The following VPS13A variants were observed in gnomAD, a reference collection of about 807,000 sequenced individuals.
VPS13A encodes the protein intermembrane lipid transfer protein VPS13A.
In VPS13A, 264 loss-of-function variants were observed where a neutral mutation model predicts 390.9. That is an observed-to-expected ratio of 0.68 (90% confidence interval 0.61 to 0.75). VPS13A has a LOEUF of 0.75. VPS13A is among the 30% of genes least tolerant of loss of function. The pLI is 0.00. For missense variants in VPS13A, 3,409 were observed against 3,733.9 expected, an observed-to-expected ratio of 0.91 and a Z score of 2.27; for synonymous variants, 1,231 against 1,227.1, an observed-to-expected ratio of 1.00 and a Z score of -0.07.
chr9:77,249,134 TA>T (rs1456369729), intron 20 of VPS13A, among the ~76,000 whole-genome samples: 3 of 152,202 alleles, frequency 2.0e-5, no homozygotes, highest in Non-Finnish European at 4.4e-5. Context: ...TATCACAATT[TA>T]AAGAACCAAG....
intron 2 of VPS13A, among the ~76,000 whole-genome samples, chr9:77,201,138 C>A (rs932720754): frequency 6.6e-6 from 1 of 151,930 alleles, no homozygotes; most frequent in Non-Finnish European, 1.5e-5. Context: ...TTACTGTAGA[C>A]CTTTATCCCC....
chr9:77,307,884 G>T, intron 34 of VPS13A, 61 bp from the exon 35 acceptor site: 1 of 1,344,676 alleles, frequency 7.4e-7, no homozygotes, highest in Non-Finnish European at 1.0e-6. Context: ...AATTTTAACT[G>T]CAGTTAAATT....
At chr9:77,317,743 AAGT>A (rs776518216) in intron 40 of VPS13A, 45 bp downstream of exon 40, 242 of 1,423,404 alleles carry the variant, frequency 1.7e-4, no homozygotes, top group Non-Finnish European at 2.3e-4. Context: ...CACTTAAAAA[AAGT>A]AGTAAAGCCT....
chr9:77,304,220 G>A (rs959243981), intron 34 of VPS13A, among the ~76,000 whole-genome samples: 8 of 151,488 alleles, frequency 5.3e-5, no homozygotes, highest in African/African-American at 1.7e-4. Context: ...AACAAGGCAC[G>A]TCCTGCACAG....
intron 23 of VPS13A, among the ~76,000 whole-genome samples, chr9:77,272,372 A>G (rs1564683647): frequency 6.6e-6 from 1 of 152,176 alleles, no homozygotes; most frequent in Non-Finnish European, 1.5e-5. Context: ...TTTTATCCAC[A>G]AGCACCTATG....
At chr9:77,223,584 C>A (rs190684420) in intron 13 of VPS13A, among the ~76,000 whole-genome samples, 1 of 152,126 alleles carries the variant, frequency 6.6e-6, no homozygotes, top group South Asian at 2.1e-4. Context: ...TCCTCTAAGC[C>A]TTATCCAGTG....
chr9:77,235,357 A>G (rs745722016), intron 17 of VPS13A, among the ~76,000 whole-genome samples: 1 of 152,126 alleles, frequency 6.6e-6, no homozygotes, highest in Non-Finnish European at 1.5e-5. Context: ...TAGTGCTTTA[A>G]GTACATGATC....
At chr9:77,365,347 G>A (rs1240228872) in intron 59 of VPS13A, 113 bp from the exon 60 acceptor site, 4 of 710,038 alleles carry the variant, frequency 5.6e-6, no homozygotes, top group South Asian at 4.7e-5. Context: ...GCAATCATAA[G>A]CAATGTTGAG....
intron 23 of VPS13A, among the ~76,000 whole-genome samples, chr9:77,263,705 C>T (rs764959897): frequency 6.6e-6 from 1 of 152,148 alleles, no homozygotes; most frequent in Non-Finnish European, 1.5e-5. Flanking sequence ...TGCCTGCTCA[C>T]TCTGATGATA....
At position 77,276,140 on chromosome 9, in the gene VPS13A, G is replaced by A; in HGVS notation, c.2743G>A (p.Ala915Thr). Residue 915 changes from alanine (A) to threonine (T), a missense_variant, in exon 26 of 72, where the codon GCA becomes ACA. By Grantham distance (58) the Ala-to-Thr change is moderately conservative. Transcript: ENST00000360280. ...VVEILVLGLG[A>T]EIEIRTYDLK... ...AGAAATTCTTGTTTTAGGATTGGGT[G>A]CAGAAATTGAGATTAGAACATACGA... 6.2e-7 allele frequency: 1 copy of A among 1,613,190 alleles called. No homozygotes were observed. The highest frequency in any genetic ancestry group is 2.2e-5 in the East Asian group (1 of 44,776).
At chr9:77,349,858 G>A (rs576163437) in intron 52 of VPS13A, among the ~76,000 whole-genome samples, 56 of 152,100 alleles carry the variant, frequency 3.7e-4, no homozygotes, top group Middle Eastern at 6.8e-3. Context: ...TGGCCAGGCT[G>A]GTCTCAAACT....
In VPS13A at chr9:77,179,796, C is replaced by G. The variant is rs1823897504; in HGVS notation, c.100+1992C>G. 2.0e-5 allele frequency among the ~76,000 whole-genome samples: 3 copies of G among 151,570 alleles called. No individual in the cohort carries two copies. The South Asian group carries it at 6.2e-4, about 32-fold the overall frequency. On this transcript the variant is annotated intron_variant, in intron 1 of 71. Coordinates refer to ENST00000360280, the MANE Select transcript of VPS13A (RefSeq NM_033305.3). ...TCACAAAATTGTACAACCATCACCA[C>G]TCTCTCATTCCGGAATATTTCAGCA...
At chr9:77,239,677 CCTT>C (rs1824355497) in intron 19 of VPS13A, among the ~76,000 whole-genome samples, 1 of 151,666 alleles carries the variant, frequency 6.6e-6, no homozygotes, top group Admixed American at 6.6e-5. Context: ...GATTTATGGT[CCTT>C]ATTTTTTATT....
At chr9:77,260,031 C>A in intron 22 of VPS13A, 55 bp from the exon 23 acceptor site, 1 of 1,112,716 alleles carries the variant, frequency 9.0e-7, no homozygotes, top group South Asian at 1.5e-5. Flanking sequence ...TTAATTAGTG[C>A]ACTTAAATCA....
intron 22 of VPS13A, among the ~76,000 whole-genome samples, chr9:77,257,540 GC>G (rs1410479696): frequency 6.6e-6 from 1 of 152,120 alleles, no homozygotes; most frequent in African/African-American, 2.4e-5. Flanking sequence ...ATTGCTTGAG[GC>G]AAGGAGTTTG....
chr9:77,270,454 T>C (rs1587463460), intron 23 of VPS13A, among the ~76,000 whole-genome samples: 1 of 152,238 alleles, frequency 6.6e-6, no homozygotes, highest in South Asian at 2.1e-4. Flanking sequence ...TTATTTCTCA[T>C]TGCAGCTGGT....
intron 22 of VPS13A, among the ~76,000 whole-genome samples, chr9:77,259,283 AT>A (rs1355112309): frequency 6.6e-6 from 1 of 152,084 alleles, no homozygotes; most frequent in Non-Finnish European, 1.5e-5. Context: ...CAACTTGCAG[AT>A]TTTTCAAGAA....
intron 69 of VPS13A, among the ~76,000 whole-genome samples, chr9:77,405,370 T>A (rs1033144001): frequency 1.3e-5 from 2 of 152,204 alleles, no homozygotes; most frequent in Admixed American, 1.3e-4. Flanking sequence ...GTTAATTATA[T>A]GAAAGTTCCT....
chr9:77,302,951 G>A lies in VPS13A; in HGVS notation c.3849G>A (p.Leu1283=). 6.2e-7 allele frequency: 1 copy of A among 1,613,774 alleles called. No homozygotes were observed. Among genetic ancestry groups the A allele is most frequent in the East Asian group, 2.2e-5 (1 of 44,826 alleles). Residue 1283 remains leucine, a synonymous_variant, in exon 34 of 72, where the codon CTG becomes CTA. Transcript: ENST00000360280. ...TTAATGATGCATACCAGGAAGTACTGGATCTACTCCTGCCATTAAATCTTG... is the reference window on the plus strand; with the variant it reads ...TTAATGATGCATACCAGGAAGTACTAGATCTACTCCTGCCATTAAATCTTG... ...RFINDAYQEV[L]DLLLPLNLEV...
Sources: allele counts gnomAD v4.1 joint callset (sites outside exome capture counted in the v4.1 genomes callset), GRCh38; gene constraint gnomAD v4.1.1; transcripts MANE v1.5; gene names NCBI Gene and HGNC (gene_info 2026-07-23, HGNC 2026-07-21).